TMEM65: variants seen among roughly 807,000 people sequenced by gnomAD.
TMEM65 encodes transmembrane protein 65.
In TMEM65, 22 loss-of-function variants were observed where a neutral mutation model predicts 25.4. The observed-to-expected ratio is 0.86, with a 90% CI of 0.62 to 1.23. The LOEUF (loss-of-function observed/expected upper bound fraction) is 1.23. Ranked by LOEUF, TMEM65 falls within the 50% of genes most tolerant of loss-of-function variation. TMEM65 has a pLI of 0.00. For missense variants in TMEM65, 262 were observed against 308.2 expected (o/e 0.85, Z 1.12); for synonymous variants, 132 against 126.2 (o/e 1.05, Z -0.31).
chr8:124,363,845 A>G (rs1325605543), intron 1 of TMEM65, among the ~76,000 whole-genome samples: 1 of 142,214 alleles, frequency 7.0e-6, no homozygotes, highest in East Asian at 2.0e-4. Context: ...TCAAAAAAAA[A>G]AAAAAAAAAA....
At chr8:124,330,933 C>A (rs867668326) in intron 1 of TMEM65, 141 bp from the exon 2 acceptor site, 12 of 750,010 alleles carry the variant, frequency 1.6e-5, no homozygotes, top group Middle Eastern at 2.7e-4. Context: ...GGTTAAGGGA[C>A]CACATTTGTC....
At chr8:124,334,529 G>A (rs933612556) in intron 1 of TMEM65, among the ~76,000 whole-genome samples, 2 of 151,920 alleles carry the variant, frequency 1.3e-5, no homozygotes, top group African/African-American at 2.4e-5. Context: ...ATTTTGGGAG[G>A]CCAAGGTGGG....
chr8:124,353,307 T>C (rs1342831586), intron 1 of TMEM65, among the ~76,000 whole-genome samples: 1 of 151,764 alleles, frequency 6.6e-6, no homozygotes, highest in Non-Finnish European at 1.5e-5. Flanking sequence ...AATAAATAAA[T>C]ATATTAAAAA....
intron 6 of TMEM65, among the ~76,000 whole-genome samples, chr8:124,318,173 A>T (rs776574500): frequency 6.6e-6 from 1 of 151,962 alleles, no homozygotes; most frequent in Admixed American, 6.6e-5. Flanking sequence ...GCCACAAAAA[A>T]ATTAATTTTG....
At position 124,312,261 on chromosome 8, in the gene TMEM65, C is replaced by A. The variant is rs1328482609; in HGVS notation, c.*1699G>T. ...TATTTAAGATCTCAAGTTCTAGAAT[C>A]ATGATTTGATTCAGTAAGAATGTCA... On this transcript the variant is annotated 3_prime_UTR_variant, in exon 7 of 7. Transcript: ENST00000297632. 2.0e-5 allele frequency: 3 copies of A among 151,958 alleles called. No individual in the cohort carries two copies. Among genetic ancestry groups the A allele is most frequent in the South Asian group, 4.1e-4 (2 of 4,820 alleles). The allele number at this position is 151,958 out of a possible 1,614,324, so 9.4% of individuals were successfully genotyped here.
intron 1 of TMEM65, among the ~76,000 whole-genome samples, chr8:124,339,104 ACTTGAAC>A (rs1437939753): frequency 2.1e-5 from 3 of 145,158 alleles, no homozygotes; most frequent in Non-Finnish European, 4.5e-5. Context: ...CAGGTGAATC[ACTTGAAC>A]CTCAGAGGCA....
chr8:124,363,785 C>G (rs866745513), intron 1 of TMEM65, among the ~76,000 whole-genome samples: 1 of 131,502 alleles, frequency 7.6e-6, no homozygotes, highest in East Asian at 2.4e-4. Flanking sequence ...TGCAGTGAGC[C>G]GAGATCCCGC....
chr8:124,342,462 A>G (rs560624847), intron 1 of TMEM65, among the ~76,000 whole-genome samples: 2 of 152,206 alleles, frequency 1.3e-5, no homozygotes, highest in Admixed American at 6.5e-5. Flanking sequence ...TAGTTCAGCC[A>G]GTACTGAAAT....
chr8:124,314,205 T>C (rs1814203597), intron 6 of TMEM65, 144 bp from the exon 7 acceptor site: 3 of 663,662 alleles, frequency 4.5e-6, no homozygotes, highest in Non-Finnish European at 8.0e-6. Context: ...TCCCTGTGTA[T>C]ACCTAATTAT....
intron 1 of TMEM65, among the ~76,000 whole-genome samples, chr8:124,336,085 G>C (rs1814503264): frequency 6.6e-6 from 1 of 151,892 alleles, no homozygotes; most frequent in South Asian, 2.1e-4. Flanking sequence ...TATCAGATGA[G>C]GTAGACTTAA....
At chr8:124,331,756 T>C (rs1442313733) in intron 1 of TMEM65, among the ~76,000 whole-genome samples, 2 of 151,922 alleles carry the variant, frequency 1.3e-5, no homozygotes, top group Non-Finnish European at 2.9e-5. Flanking sequence ...ACTCTAAAGA[T>C]TTAGTACAAC....
intron 1 of TMEM65, among the ~76,000 whole-genome samples, chr8:124,353,072 A>G (rs1814732628): frequency 1.3e-5 from 2 of 152,110 alleles, no homozygotes; most frequent in East Asian, 1.9e-4. Context: ...AGTTGTGGTG[A>G]GCTGAGGTCG....
chr8:124,330,385 T>C (rs886130649), intron 2 of TMEM65, among the ~76,000 whole-genome samples: 6 of 151,880 alleles, frequency 4.0e-5, no homozygotes, highest in Non-Finnish European at 5.9e-5. Flanking sequence ...CAGAGAACAG[T>C]TGTATCTCGC....
At chr8:124,331,035 G>C (rs1274040366) in intron 1 of TMEM65, among the ~76,000 whole-genome samples, 1 of 151,860 alleles carries the variant, frequency 6.6e-6, no homozygotes, top group African/African-American at 2.4e-5. Flanking sequence ...CTCTAGCCCT[G>C]GGTAAGTTCA....
intron 1 of TMEM65, among the ~76,000 whole-genome samples, chr8:124,365,056 T>A (rs1235410464): frequency 1.3e-5 from 2 of 152,320 alleles, no homozygotes; most frequent in East Asian, 3.9e-4. Flanking sequence ...AAGATCGTGA[T>A]CTGTAGTTCC....
chr8:124,370,223 T>C (rs550028662), intron 1 of TMEM65, among the ~76,000 whole-genome samples: 5 of 152,356 alleles, frequency 3.3e-5, no homozygotes, highest in African/African-American at 1.2e-4. Flanking sequence ...TTCAGTCACC[T>C]TGCAGGACAT....
intron 4 of TMEM65, among the ~76,000 whole-genome samples, chr8:124,322,716 G>C (rs2131197944): frequency 6.6e-6 from 1 of 151,980 alleles, no homozygotes; most frequent in Admixed American, 6.6e-5. Flanking sequence ...ATAAATAATA[G>C]GCTGGGCGTG....
rs1814174307 is a variant in TMEM65 at position 124,312,379 on chromosome 8, T to TA, written c.*1580dup. Reference sequence around the variant, plus strand: ...AAGTCTATGATTAAAGGATGGCACTTATGCATTCTGAAGCGCATGAGAGAA... The same window carrying TA: ...AAGTCTATGATTAAAGGATGGCACTTAATGCATTCTGAAGCGCATGAGAGAA... On this transcript the variant is annotated 3_prime_UTR_variant, in exon 7 of 7. Coordinates refer to ENST00000297632, the MANE Select transcript of TMEM65 (RefSeq NM_194291.3). The TA allele has an allele frequency of 6.6e-6, 1 of 152,008 alleles. No individual in the cohort carries two copies. The allele number at this position is 152,008 out of a possible 1,614,324, so 9.4% of individuals were successfully genotyped here. A position where few individuals can be genotyped will look rare whatever the true frequency, so the allele number is the denominator to read the frequency against.
chr8:124,372,656 A>AGCCGCAGCCGCC lies in TMEM65; in HGVS notation c.-511_-500dup. 7.2e-6 allele frequency: 1 copy of AGCCGCAGCCGCC among 139,232 alleles called. No homozygotes were observed. Among genetic ancestry groups the AGCCGCAGCCGCC allele is most frequent in the South Asian group, 1.7e-4 (1 of 5,954 alleles). The allele number at this position is 139,232 out of a possible 1,614,324, so 8.6% of individuals were successfully genotyped here. ...AGCCCTCAAAGCAGCCGCGCTCCCG[A>AGCCGCAGCCGCC]GCCGCAGCCGCCGCCGCCGCCGCTA... On this transcript the variant is annotated 5_prime_UTR_variant, in exon 1 of 7. Transcript: ENST00000297632.
Sources: gnomAD v4.1 joint callset for allele counts (sites outside exome capture counted in the v4.1 genomes callset) on GRCh38, gnomAD v4.1.1 for gene constraint, MANE v1.5 for transcripts, NCBI Gene and HGNC (gene_info 2026-07-23, HGNC 2026-07-21) for gene names.